The following PDXDC1 variants were observed in gnomAD, a reference collection of about 807,000 sequenced individuals.
PDXDC1 encodes the protein pyridoxal-dependent decarboxylase domain-containing protein 1.
PDXDC1 carries 42 observed loss-of-function variants against 100.1 expected under a neutral mutation model. That is an observed-to-expected ratio of 0.42 (90% CI 0.33 to 0.54). The LOEUF (loss-of-function observed/expected upper bound fraction) is 0.54. Ranked by LOEUF, PDXDC1 falls within the 20% of genes least tolerant of loss-of-function variation. The pLI is 0.10. For missense variants in PDXDC1, 636 were observed against 979.2 expected (o/e 0.65, Z 4.68); for synonymous variants, 260 against 371.7 (o/e 0.70, Z 3.46).
At chr16:14,979,756 C>T (rs1967530997) in intron 1 of PDXDC1, among the ~76,000 whole-genome samples, 1 of 152,282 alleles carries the variant, frequency 6.6e-6, no homozygotes, top group African/African-American at 2.4e-5. Flanking sequence ...TGTCACCTTG[C>T]TGTTATGCTA....
At position 15,035,565 on chromosome 16, in the gene PDXDC1, C is replaced by T. The variant is rs1474663119; in HGVS notation, c.2107+12C>T. 2.0e-6 allele frequency: 3 copies of T among 1,537,732 alleles called. No individual in the cohort carries two copies. Among genetic ancestry groups the T allele is most frequent in the East Asian group, 2.3e-5 (1 of 44,100 alleles). ...GCAGAGGCTTCCAGGTAAGTGACGC[C>T]TCTGCACCGAGTTCAGGTAACAGGT... is the stretch of plus-strand genomic sequence containing the variant. On this transcript the variant is annotated intron_variant, in intron 22 of 22. Coordinates refer to ENST00000396410, the MANE Select transcript of PDXDC1 (RefSeq NM_015027.4).
chr16:14,977,269 CTTTTTTTTTTTTTTTTT>C (rs5816116), intron 1 of PDXDC1, among the ~76,000 whole-genome samples: 4 of 95,042 alleles, frequency 4.2e-5, no homozygotes, highest in Admixed American at 1.4e-4. Flanking sequence ...ATGGGACTTA[CTTTTTTTTTTTTTTTTT>C]TTTTTTTTTT....
downstream of PDXDC1, among the ~76,000 whole-genome samples, chr16:15,143,072 G>A (rs1364663072): frequency 2.0e-5 from 3 of 152,156 alleles, no homozygotes. Flanking sequence ...AGCCAAGCTT[G>A]TTGGGAGAAG....
At chr16:15,032,094 G>A (rs963975105) in intron 17 of PDXDC1, 188 bp downstream of exon 17, 11 of 594,516 alleles carry the variant, frequency 1.9e-5, no homozygotes, top group Non-Finnish European at 2.7e-5. Context: ...CCAGCGTGGC[G>A]CTCAGGGAGG....
At chr16:15,048,190 T>C in intron 16 of PDXDC1, 2 of 821,914 alleles carry the variant, frequency 2.4e-6, no homozygotes, top group Middle Eastern at 6.9e-4. Context: ...GGGCTCTGCG[T>C]GGGCAGCACG....
At chr16:14,984,233 A>T (rs1158033118) in intron 1 of PDXDC1, among the ~76,000 whole-genome samples, 1 of 131,400 alleles carries the variant, frequency 7.6e-6, no homozygotes, top group Non-Finnish European at 1.5e-5. Flanking sequence ...AAATGTCCCT[A>T]TGTCCCTTTG....
intron 1 of PDXDC1, among the ~76,000 whole-genome samples, chr16:14,986,098 C>T (rs77601079): frequency 4.1e-5 from 6 of 145,102 alleles, no homozygotes; most frequent in African/African-American, 1.3e-4. Flanking sequence ...GGTCATGTCT[C>T]AAAAAAAAAA....
Position 15,031,922 on chromosome 16 carries a change from G to C in PDXDC1, c.1571+16G>C, listed in dbSNP as rs1336834302. On this transcript the variant is annotated intron_variant, in intron 17 of 22. Coordinates refer to ENST00000396410, the MANE Select transcript of PDXDC1 (RefSeq NM_015027.4). ...GGGTTGTCAGGTAAAGTCTTGGCCTGCCGCTTGATGTTGGAGACTTTTCTG... is the reference window on the plus strand; with the variant it reads ...GGGTTGTCAGGTAAAGTCTTGGCCTCCCGCTTGATGTTGGAGACTTTTCTG... 2 of 1,577,234 alleles carry C rather than the reference G, an allele frequency of 1.3e-6. No individual in the cohort carries two copies. The highest frequency in any genetic ancestry group is 2.7e-5 in the African/African-American group (2 of 74,404).
At chr16:15,048,122 A>C (rs1417936661) in intron 16 of PDXDC1, 1 of 1,488,862 alleles carries the variant, frequency 6.7e-7, no homozygotes, top group African/African-American at 1.4e-5. Flanking sequence ...AAAAAAAATA[A>C]AATAGTGATG....
chr16:14,991,313 T>TAC (rs1970769444), intron 1 of PDXDC1, among the ~76,000 whole-genome samples: 2 of 143,136 alleles, frequency 1.4e-5, no homozygotes, highest in African/African-American at 5.1e-5. Flanking sequence ...GTGTATTTGT[T>TAC]GTTGTCGAGA....
At chr16:15,024,923 A>G (rs1400146085) in intron 13 of PDXDC1, among the ~76,000 whole-genome samples, 1 of 152,306 alleles carries the variant, frequency 6.6e-6, no homozygotes, top group Non-Finnish European at 1.5e-5. Context: ...AAGGCCTTAT[A>G]CAGACTCACC....
chr16:15,035,068 C>T (rs921242996), intron 21 of PDXDC1, among the ~76,000 whole-genome samples: 1 of 152,174 alleles, frequency 6.6e-6, no homozygotes, highest in Non-Finnish European at 1.5e-5. Context: ...TTCCTACACT[C>T]GAGCCCCTTC....
chr16:15,146,254 G>A, the PDXDC1 span, among the ~76,000 whole-genome samples: 2 of 152,098 alleles, frequency 1.3e-5, no homozygotes, highest in Admixed American at 6.5e-5. Context: ...GAAGGGGGAC[G>A]TCGAGGCTCA....
intron 16 of PDXDC1, chr16:15,044,496 T>C (rs1299650039): frequency 3.5e-6 from 3 of 858,456 alleles, no homozygotes; most frequent in Non-Finnish European, 5.9e-6. Flanking sequence ...TCAGTTTCCA[T>C]GAACACTTGC....
At chr16:15,002,224 A>C (rs1425913230) in intron 4 of PDXDC1, among the ~76,000 whole-genome samples, 2 of 152,294 alleles carry the variant, frequency 1.3e-5, no homozygotes, top group Non-Finnish European at 2.9e-5. Flanking sequence ...TAATGTTTTG[A>C]AATAAGTAAA....
At chr16:15,031,157 C>T (rs1177491973) in intron 16 of PDXDC1, among the ~76,000 whole-genome samples, 3 of 136,416 alleles carry the variant, frequency 2.2e-5, no homozygotes, top group African/African-American at 8.1e-5. Context: ...TGGTCTCACT[C>T]TGTCACCCAG....
At chr16:15,074,913 G>C in intron 16 of PDXDC1, 1 of 1,527,046 alleles carries the variant, frequency 6.5e-7, no homozygotes, top group South Asian at 1.2e-5. Context: ...TGTCAAAGTG[G>C]TTTAGTAGGA....
At chr16:14,998,011 G>A (rs1972367783) in intron 2 of PDXDC1, among the ~76,000 whole-genome samples, 185 bp downstream of exon 2, 1 of 152,206 alleles carries the variant, frequency 6.6e-6, no homozygotes, top group Non-Finnish European at 1.5e-5. Context: ...GAAATTGAGA[G>A]GAAAGACTTA....
Position 15,070,105 on chromosome 16 carries a change from C to T in PDXDC1, c.1399+40049C>T. The T allele has an allele frequency of 6.3e-7, 1 of 1,596,380 alleles. No individual in the cohort carries two copies. The highest frequency in any genetic ancestry group is 8.5e-7 in the Non-Finnish European group (1 of 1,170,148). On this transcript the variant is annotated intron_variant, in intron 16 of 16. Coordinates refer to the PDXDC1 transcript ENST00000535621. The stretch of plus-strand genomic sequence containing the variant: ...GTTTCCGCTCAAAAGCTGCTTGTGT[C>T]TAAAAACAAAGGTGTAGAACACAGC...
Sources: allele counts gnomAD v4.1 joint callset (sites outside exome capture counted in the v4.1 genomes callset), GRCh38; gene constraint gnomAD v4.1.1; transcripts MANE v1.5; gene names NCBI Gene and HGNC (gene_info 2026-07-23, HGNC 2026-07-21).